DNAJB13: variants seen among roughly 807,000 people sequenced by gnomAD.
DNAJB13 encodes the protein DnaJ heat shock protein family (Hsp40) member B13.
In DNAJB13, 22 loss-of-function variants were observed where a neutral mutation model predicts 35.6. That is an observed-to-expected ratio of 0.62 (90% confidence interval 0.44 to 0.88). The LOEUF is 0.88. Among genes scored for constraint, DNAJB13 ranks in the 40% least tolerant of loss-of-function variants. The pLI is 0.00. For synonymous variants in DNAJB13, 136 were observed against 144.2 expected (o/e 0.94, Z 0.41); for missense variants, 370 against 384.3 (o/e 0.96, Z 0.31).
At chr11:73,959,437 T>C in intron 2 of DNAJB13, 57 bp from the exon 3 acceptor site, 1 of 1,572,024 alleles carries the variant, frequency 6.4e-7, no homozygotes, top group African/African-American at 1.4e-5. Context: ...TCCCAGCCCC[T>C]CCACCTATCT....
chr11:73,956,328 G>A (rs1220728887), intron 1 of DNAJB13, among the ~76,000 whole-genome samples: 1 of 152,194 alleles, frequency 6.6e-6, no homozygotes, highest in Non-Finnish European at 1.5e-5. Context: ...CAGAGAAGCT[G>A]GGAGGAGCTG....
At chr11:73,959,725 G>A (rs1950872953) in intron 3 of DNAJB13, 70 bp downstream of exon 3, 4 of 1,387,272 alleles carry the variant, frequency 2.9e-6, no homozygotes, top group Non-Finnish European at 3.8e-6. Flanking sequence ...TTTTCGTTGA[G>A]TAGTTTTGTT....
Position 73,959,896 on chromosome 11 carries a change from G to A in DNAJB13, c.334+241G>A, listed in dbSNP as rs138733047. 524 of 257,888 alleles carry A rather than the reference G, an allele frequency of 2.0e-3. 3 individuals are homozygous for A. The highest frequency in any genetic ancestry group is 0.011 in the African/African-American group (488 of 44,648). 16.0% of individuals were successfully genotyped at this position (257,888 alleles called of 1,614,324 possible). A position where few individuals can be genotyped will look rare whatever the true frequency, so the allele number is the denominator to read the frequency against. On this transcript the variant is annotated intron_variant, in intron 3 of 7. Coordinates refer to ENST00000339764, the MANE Select transcript of DNAJB13 (RefSeq NM_153614.4). Reference sequence around the variant, plus strand: ...TCCTCCCTCAGCCTCCCAAGTAGCTGGGACTACAGGCGCACGCTGCCACAC... The same window carrying A: ...TCCTCCCTCAGCCTCCCAAGTAGCTAGGACTACAGGCGCACGCTGCCACAC...
chr11:73,959,353 C>G, intron 2 of DNAJB13, 141 bp from the exon 3 acceptor site: 1 of 908,720 alleles, frequency 1.1e-6, no homozygotes, highest in Non-Finnish European at 1.6e-6. Context: ...GGTCTCATTC[C>G]AAAGACTGCC....
rs185837848 is a variant in DNAJB13 at position 73,951,137 on chromosome 11, C to T, written c.68C>T (p.Ala23Val). 48 of 1,614,050 alleles carry T rather than the reference C, an allele frequency of 3.0e-5. No homozygotes were observed. In the Middle Eastern group the frequency reaches 2.3e-3, roughly 78 times the overall value. The change falls in exon 1 of 8, where the codon GCG (alanine) becomes GTG (valine). Residue 23 changes from alanine to valine, a missense_variant and splice_region_variant. Coordinates refer to ENST00000339764, the MANE Select transcript of DNAJB13 (RefSeq NM_153614.4). Reference protein sequence around the residue: ...RNSEDAQIKQAYRRLALKHHP... With the variant: ...RNSEDAQIKQVYRRLALKHHP... ...TCAGAGGATGCCCAGATCAAGCAGG[C>T]GTAAGTTGGGGTGGGAGCCAGGCCT... is the stretch of plus-strand genomic sequence containing the variant.
At chr11:73,953,860 C>A (rs1950650444) in intron 1 of DNAJB13, among the ~76,000 whole-genome samples, 1 of 151,776 alleles carries the variant, frequency 6.6e-6, no homozygotes, top group African/African-American at 2.4e-5. Context: ...ATTAGCCGGG[C>A]ACCTGTAGTC....
At chr11:73,965,222 C>A (rs141642547) in intron 4 of DNAJB13, 187 bp downstream of exon 4, 2 of 628,154 alleles carry the variant, frequency 3.2e-6, no homozygotes, top group Non-Finnish European at 5.1e-6. Context: ...AAGACATTAG[C>A]CCGGTTCTTT....
At position 73,970,078 on chromosome 11, in the gene DNAJB13, G is replaced by A; in HGVS notation, c.915G>A (p.Gln305=). Residue 305 remains glutamine (Q), a synonymous_variant, in exon 8 of 8, where the codon CAG becomes CAA. Transcript: ENST00000339764. Reference sequence around the variant, plus strand: ...AGTTCCCCACCCGCCTCACACCCCAGAAGAAGCAGATGCTGCGCCAGGCAT... The same window carrying A: ...AGTTCCCCACCCGCCTCACACCCCAAAAGAAGCAGATGCTGCGCCAGGCAT... ...DIQFPTRLTP[Q]KKQMLRQALL... is the part of the protein sequence containing the mutation. 6.2e-7 allele frequency: 1 copy of A among 1,610,320 alleles called. No individual in the cohort carries two copies. The highest frequency in any genetic ancestry group is 1.1e-5 in the South Asian group (1 of 89,936).
At chr11:73,959,786 G>A (rs1950876403) in intron 3 of DNAJB13, 131 bp downstream of exon 3, 1 of 944,866 alleles carries the variant, frequency 1.1e-6, no homozygotes, top group Non-Finnish European at 1.4e-6. Flanking sequence ...TTTTGGAGAT[G>A]GAGACTCACT....
rs774533523 is a variant in DNAJB13 at position 73,968,410 on chromosome 11, C to T, written c.672C>T (p.Arg224=). Reference sequence around the variant, plus strand: ...AGGAGAAGCTACACCCTCGCTTCCGCAGGGAGAATGACAACCTCTTCTTCG... The same window carrying T: ...AGGAGAAGCTACACCCTCGCTTCCGTAGGGAGAATGACAACCTCTTCTTCG... ...IVKEKLHPRF[R]RENDNLFFVN... The change falls in exon 6 of 8, where the codon CGC becomes CGT. Residue 224 remains arginine (R), a synonymous_variant. Coordinates refer to ENST00000339764, the MANE Select transcript of DNAJB13 (RefSeq NM_153614.4). The T allele has an allele frequency of 6.2e-7, 1 of 1,614,140 alleles. No individual in the cohort carries two copies.
intron 3 of DNAJB13, among the ~76,000 whole-genome samples, chr11:73,960,563 C>A (rs1057255150): frequency 1.3e-5 from 2 of 152,280 alleles, no homozygotes; most frequent in Admixed American, 6.5e-5. Flanking sequence ...CTCAGGTGAT[C>A]TGCCCACCTC....
intron 6 of DNAJB13, 125 bp from the exon 7 acceptor site, chr11:73,969,121 G>C (rs1591210543): frequency 1.9e-6 from 1 of 535,672 alleles, no homozygotes; most frequent in African/African-American, 2.0e-5. Flanking sequence ...ATTAGTTATT[G>C]AACAGCCTCG....
At chr11:73,955,307 C>CTTTT (rs570240877) in intron 1 of DNAJB13, among the ~76,000 whole-genome samples, 1 of 134,794 alleles carries the variant, frequency 7.4e-6, no homozygotes. Context: ...AACCTTGTTA[C>CTTTT]TTTTTTTTTT....
chr11:73,954,546 C>T (rs35695385), intron 1 of DNAJB13, among the ~76,000 whole-genome samples: 2 of 149,814 alleles, frequency 1.3e-5, no homozygotes, highest in Non-Finnish European at 3.0e-5. Context: ...AGGAGAATGG[C>T]GTGAACCTGG....
chr11:73,967,119 C>T (rs1223727633), intron 5 of DNAJB13, among the ~76,000 whole-genome samples: 1 of 151,938 alleles, frequency 6.6e-6, no homozygotes, highest in Non-Finnish European at 1.5e-5. Context: ...TCCCAAAGTG[C>T]TGGGATTACA....
chr11:73,958,835 C>T (rs1308189509), intron 2 of DNAJB13, among the ~76,000 whole-genome samples: 1 of 152,186 alleles, frequency 6.6e-6, no homozygotes, highest in African/African-American at 2.4e-5. Flanking sequence ...TTCCCCAGGG[C>T]CAGCAACAGT....
At chr11:73,958,503 C>A in intron 2 of DNAJB13, 83 bp downstream of exon 2, 1 of 1,252,592 alleles carries the variant, frequency 8.0e-7, no homozygotes, top group Non-Finnish European at 1.1e-6. Flanking sequence ...TGAGGGGGCC[C>A]AATAACGAGG....
rs766147410 is a variant in DNAJB13, at chr11:73,969,994, G to A, written c.831G>A (p.Gly277=). Residue 277 remains glycine (G), a synonymous_variant, in exon 8 of 8, where the codon GGG becomes GGA. Coordinates refer to ENST00000339764, the MANE Select transcript of DNAJB13 (RefSeq NM_153614.4). ...ACTTCAAGAAGGTGCCAGGGGAGGG[G>A]ATGCCATTGCCGGAGGACCCCACTA... ...PKYFKKVPGE[G]MPLPEDPTKK... The A allele has an allele frequency of 3.3e-5, 53 of 1,611,558 alleles. No homozygotes were observed. In the Admixed American group the frequency reaches 8.7e-4, roughly 27 times the overall value.
At chr11:73,963,889 G>A (rs1279559658) in intron 3 of DNAJB13, 1 of 152,138 alleles carries the variant, frequency 6.6e-6, no homozygotes, top group Admixed American at 6.5e-5. Context: ...TAGCGATGCG[G>A]CGTGGCACAG....
Sources: gnomAD v4.1 joint callset for allele counts (sites outside exome capture counted in the v4.1 genomes callset) on GRCh38, gnomAD v4.1.1 for gene constraint, MANE v1.5 for transcripts, NCBI Gene and HGNC (gene_info 2026-07-23, HGNC 2026-07-21) for gene names.